The following ZDHHC21 variants were observed in gnomAD, a reference collection of about 807,000 sequenced individuals.
ZDHHC21 encodes zDHHC palmitoyltransferase 21.
A neutral mutation model predicts 34.6 loss-of-function variants in ZDHHC21; 15 were observed. That is an observed-to-expected ratio of 0.43 (90% CI 0.29 to 0.67). ZDHHC21 has a LOEUF of 0.67. Among genes scored for constraint, ZDHHC21 ranks in the 30% least tolerant of loss-of-function variants. ZDHHC21 has a pLI of 0.14. For missense variants in ZDHHC21, 344 were observed against 327.7 expected (o/e 1.05, Z -0.38); for synonymous variants, 142 against 101.8 (o/e 1.40, Z -2.38).
chr9:14,593,497 G>A, the ZDHHC21 span: 1 of 152,232 alleles, frequency 6.6e-6, no homozygotes, highest in Non-Finnish European at 1.5e-5. Context: ...CTGGCCAGAT[G>A]TCACACCCTA....
chr9:14,608,549 G>A (rs1037029087), downstream of ZDHHC21, among the ~76,000 whole-genome samples: 3 of 152,020 alleles, frequency 2.0e-5, no homozygotes, highest in Admixed American at 6.6e-5. Context: ...TTAAACAGAG[G>A]TGCTTTCTTG....
In ZDHHC21 at chr9:14,611,441, C is replaced by A. The variant is rs1421225140; in HGVS notation, c.*7525G>T. On this transcript the variant is annotated 3_prime_UTR_variant, in exon 10 of 10. Transcript: ENST00000380916. ...TAGAAATATTGGTGAAGATTTTCTT[C>A]AAATTCTCTTAGGGGAAAGACAAGG... is the stretch of plus-strand genomic sequence containing the variant. 1 of 151,916 alleles carries A rather than the reference C, an allele frequency of 6.6e-6. No homozygotes were observed. Among genetic ancestry groups the A allele is most frequent in the Non-Finnish European group, 1.5e-5 (1 of 67,916 alleles). 9.4% of individuals were successfully genotyped at this position (151,916 alleles called of 1,614,324 possible).
At chr9:14,597,787 C>A in the ZDHHC21 span, among the ~76,000 whole-genome samples, 2 of 152,150 alleles carry the variant, frequency 1.3e-5, no homozygotes, top group Non-Finnish European at 2.9e-5. Flanking sequence ...AACAGGCCTG[C>A]TCTGCTCACC....
intron 7 of ZDHHC21, among the ~76,000 whole-genome samples, chr9:14,651,284 G>C (rs1831193580): frequency 1.3e-5 from 2 of 151,816 alleles, no homozygotes; most frequent in South Asian, 4.1e-4. Flanking sequence ...ATATTATGAT[G>C]TTTAGTATTT....
chr9:14,683,084 GGAAGATCTA>G (rs1156339774), intron 2 of ZDHHC21, among the ~76,000 whole-genome samples: 1 of 152,012 alleles, frequency 6.6e-6, no homozygotes, highest in Non-Finnish European at 1.5e-5. Context: ...GAGAAAGCAG[GGAAGATCTA>G]AAATTGACAC....
intron 7 of ZDHHC21, among the ~76,000 whole-genome samples, chr9:14,658,354 T>C (rs1832670816): frequency 7.0e-6 from 1 of 142,990 alleles, no homozygotes; most frequent in Non-Finnish European, 1.5e-5. Flanking sequence ...GCTTTTGTTG[T>C]TTTGTTTCCA....
intron 7 of ZDHHC21, among the ~76,000 whole-genome samples, chr9:14,647,886 G>A (rs1180467405): frequency 2.0e-5 from 3 of 152,012 alleles, no homozygotes; most frequent in Non-Finnish European, 4.4e-5. Context: ...TCATCTTTAT[G>A]CTGAAAGCTC....
the ZDHHC21 span, among the ~76,000 whole-genome samples, chr9:14,598,185 T>G: frequency 1.3e-5 from 2 of 152,076 alleles, no homozygotes; most frequent in African/African-American, 4.8e-5. Context: ...CCATGTATGC[T>G]GCCCAAAGAC....
In ZDHHC21 at chr9:14,618,315, G is replaced by A. The variant is rs1037772090; in HGVS notation, c.*651C>T. The A allele has an allele frequency of 1.3e-5, 2 of 152,426 alleles. No individual in the cohort carries two copies. The highest frequency in any genetic ancestry group is 4.8e-5 in the African/African-American group (2 of 41,414). The allele number at this position is 152,426 out of a possible 1,614,324, so 9.4% of individuals were successfully genotyped here. ...ATTTTAACATTTCCTTTATAGTAAG[G>A]TAGGTAGTTGGTGTTTTACTTCAGT... On this transcript the variant is annotated 3_prime_UTR_variant, in exon 10 of 10. Coordinates refer to ENST00000380916, the MANE Select transcript of ZDHHC21 (RefSeq NM_178566.6).
intron 8 of ZDHHC21, 121 bp downstream of exon 8, chr9:14,639,775 G>C: frequency 1.9e-6 from 1 of 530,708 alleles, no homozygotes; most frequent in South Asian, 4.1e-5. Context: ...GCACATGAAA[G>C]TATTAAAAAG....
chr9:14,602,386 G>C, the ZDHHC21 span, among the ~76,000 whole-genome samples: 1 of 152,030 alleles, frequency 6.6e-6, no homozygotes, highest in Non-Finnish European at 1.5e-5. Flanking sequence ...TCCATGAGAT[G>C]AGATGGCCAA....
At chr9:14,593,250 C>A in the ZDHHC21 span, among the ~76,000 whole-genome samples, 8 of 151,874 alleles carry the variant, frequency 5.3e-5, no homozygotes, top group Non-Finnish European at 1.0e-4. Context: ...CCTTTAAGTA[C>A]ACTAACTAAA....
chr9:14,662,131 A>C, intron 6 of ZDHHC21, 84 bp downstream of exon 6: 2 of 831,918 alleles, frequency 2.4e-6, no homozygotes, highest in Non-Finnish European at 3.7e-6. Context: ...CTTTAACATA[A>C]CTGTTGTTTA....
intron 5 of ZDHHC21, among the ~76,000 whole-genome samples, chr9:14,668,713 C>T (rs1195856699): frequency 7.2e-6 from 1 of 139,816 alleles, no homozygotes; most frequent in Non-Finnish European, 1.6e-5. Flanking sequence ...CTACAACTAT[C>T]TGATCTTTGA....
In ZDHHC21 at chr9:14,658,795, G is replaced by C; in HGVS notation, c.458C>G (p.Ser153Cys). ...AAGAAAATAGTAATAGTGGCAGAAAGAAAACATCAGTGCGTAGCAAGTAAG... is the reference window on the plus strand; with the variant it reads ...AAGAAAATAGTAATAGTGGCAGAAACAAAACATCAGTGCGTAGCAAGTAAG... ...ELLTCYALMF[S>C]FCHYYYFLPL... Residue 153 changes from serine (S) to cysteine (C), a missense_variant, in exon 7 of 10, where the codon TCT becomes TGT. By Grantham distance (112) the Ser-to-Cys change is moderately radical. Transcript: ENST00000380916. 6.2e-7 allele frequency: 1 copy of C among 1,613,660 alleles called. No homozygotes were observed. The highest frequency in any genetic ancestry group is 8.5e-7 in the Non-Finnish European group (1 of 1,179,904).
intron 6 of ZDHHC21, among the ~76,000 whole-genome samples, chr9:14,660,416 C>G (rs1299679938): frequency 8.1e-6 from 1 of 123,376 alleles, no homozygotes; most frequent in Non-Finnish European, 1.7e-5. Flanking sequence ...GCCACAAATA[C>G]AGAAAACCTT....
intron 7 of ZDHHC21, among the ~76,000 whole-genome samples, chr9:14,654,397 C>A (rs1011973255): frequency 6.6e-6 from 1 of 150,594 alleles, no homozygotes; most frequent in Non-Finnish European, 1.5e-5. Flanking sequence ...TATATCCTAT[C>A]AAAAAAAAAG....
At chr9:14,677,219 A>C (rs1461686307) in intron 3 of ZDHHC21, 1 of 152,048 alleles carries the variant, frequency 6.6e-6, no homozygotes, top group Non-Finnish European at 1.5e-5. Flanking sequence ...AAGAGCAAGC[A>C]TCCCTAAGGA....
chr9:14,669,506 T>C (rs1380405522), intron 5 of ZDHHC21, among the ~76,000 whole-genome samples: 1 of 151,700 alleles, frequency 6.6e-6, no homozygotes, highest in Admixed American at 6.6e-5. Context: ...TTACTGGGTA[T>C]ATACCCAAAA....
Sources: gnomAD v4.1 joint callset for allele counts (sites outside exome capture counted in the v4.1 genomes callset) on GRCh38, gnomAD v4.1.1 for gene constraint, MANE v1.5 for transcripts, NCBI Gene and HGNC (gene_info 2026-07-23, HGNC 2026-07-21) for gene names.